The following DLGAP1 variants were observed in gnomAD, a reference collection of about 807,000 sequenced individuals.
DLGAP1 encodes disks large-associated protein 1.
A neutral mutation model predicts 90.8 loss-of-function variants in DLGAP1; 11 were observed. That is an observed-to-expected ratio of 0.12 (90% CI 0.08 to 0.20). The LOEUF is 0.20. Among genes scored for constraint, DLGAP1 ranks in the 10% least tolerant of loss-of-function variants. The probability of loss-of-function intolerance (pLI) is 1.00; values close to 1 mark genes in which losing one functional copy is unlikely to be tolerated. For synonymous variants in DLGAP1, 558 were observed against 540.7 expected (o/e 1.03, Z -0.44); for missense variants, 1,050 against 1,333.8 (o/e 0.79, Z 3.31).
chr18:3,723,566 G>C (rs12953525), intron 7 of DLGAP1, among the ~76,000 whole-genome samples: 4 of 152,098 alleles, frequency 2.6e-5, no homozygotes, highest in South Asian at 2.1e-4. Context: ...GTTTGTGTGG[G>C]GGGGGAGTGG....
Position 3,497,404 on chromosome 18 carries a change from A to G in DLGAP1, c.*1781T>C, listed in dbSNP as rs984505304. 2 of 152,152 alleles carry G rather than the reference A, an allele frequency of 1.3e-5. No individual in the cohort carries two copies. The highest frequency in any genetic ancestry group is 6.5e-5 in the Admixed American group (1 of 15,272). The allele number at this position is 152,152 out of a possible 1,614,324, so 9.4% of individuals were successfully genotyped here. A position where few individuals can be genotyped will look rare whatever the true frequency, so the allele number is the denominator to read the frequency against. ...TTTCTTGTAAACCACAGCAGTAAAC[A>G]TTTGTGCCCTGTTTATAAAGGTAGC... On this transcript the variant is annotated 3_prime_UTR_variant, in exon 13 of 13. Coordinates refer to ENST00000315677, the MANE Select transcript of DLGAP1 (RefSeq NM_004746.4).
At chr18:4,318,922 T>C (rs763330338) in intron 1 of DLGAP1, among the ~76,000 whole-genome samples, 21 of 152,228 alleles carry the variant, frequency 1.4e-4, no homozygotes, top group Non-Finnish European at 2.2e-4. Flanking sequence ...TCAAAAGATC[T>C]ATTGTACAAC....
chr18:3,829,589 T>C (rs2067921110), intron 4 of DLGAP1, among the ~76,000 whole-genome samples: 1 of 151,972 alleles, frequency 6.6e-6, no homozygotes, highest in Non-Finnish European at 1.5e-5. Flanking sequence ...CTGTGGTGAG[T>C]AGCAAGTCTG....
intron 7 of DLGAP1, among the ~76,000 whole-genome samples, chr18:3,703,373 G>A (rs557787113): frequency 6.6e-6 from 1 of 152,324 alleles, no homozygotes; most frequent in Non-Finnish European, 1.5e-5. Flanking sequence ...GGAAGGGCAA[G>A]AAAACATGAG....
At chr18:3,554,544 C>G (rs917648241) in intron 9 of DLGAP1, among the ~76,000 whole-genome samples, 14 of 152,192 alleles carry the variant, frequency 9.2e-5, no homozygotes, top group South Asian at 2.1e-4. Flanking sequence ...GTCCTCACCG[C>G]GAGGCAGCCC....
rs564354787 is a variant in DLGAP1, at chr18:3,676,114, G to A, written c.1591+53021C>T. 4.6e-5 allele frequency among the ~76,000 whole-genome samples: 7 copies of A among 152,296 alleles called. No homozygotes were observed. In the South Asian group the frequency reaches 1.0e-3, roughly 23 times the overall value. ...AGATCAAGCTGCAGACATAGATGCC[G>A]GCAGTTGTGCCAATCATGTTCAAAA... On this transcript the variant is annotated intron_variant, in intron 7 of 12. Coordinates refer to ENST00000315677, the MANE Select transcript of DLGAP1 (RefSeq NM_004746.4).
At chr18:4,294,046 C>T (rs1598834101) in intron 1 of DLGAP1, 1 of 151,906 alleles carries the variant, frequency 6.6e-6, no homozygotes, top group East Asian at 1.9e-4. Context: ...TATCTTGTAT[C>T]CCCTCCTTTT....
At chr18:3,856,884 A>G (rs1451289849) in intron 4 of DLGAP1, among the ~76,000 whole-genome samples, 1 of 152,042 alleles carries the variant, frequency 6.6e-6, no homozygotes, top group Non-Finnish European at 1.5e-5. Flanking sequence ...AAAGAAACAC[A>G]GCTGATTATT....
chr18:3,872,447 G>A (rs1292997873), intron 4 of DLGAP1, among the ~76,000 whole-genome samples: 2 of 151,692 alleles, frequency 1.3e-5, no homozygotes, highest in African/African-American at 4.8e-5. Flanking sequence ...TACCTATTGT[G>A]GTTTTAATTT....
At chr18:4,436,699 A>C (rs546682953) in intron 1 of DLGAP1, among the ~76,000 whole-genome samples, 1 of 152,298 alleles carries the variant, frequency 6.6e-6, no homozygotes, top group East Asian at 1.9e-4. Context: ...CTTCAAATTA[A>C]TTAACTTCAA....
At chr18:3,619,459 G>A (rs2058013759) in intron 7 of DLGAP1, among the ~76,000 whole-genome samples, 1 of 152,184 alleles carries the variant, frequency 6.6e-6, no homozygotes, top group African/African-American at 2.4e-5. Context: ...CAAAAGGGAA[G>A]GGACCAGGGT....
chr18:4,089,943 A>G (rs1423395522), intron 2 of DLGAP1, among the ~76,000 whole-genome samples: 14 of 152,026 alleles, frequency 9.2e-5, no homozygotes, highest in South Asian at 4.2e-4. Flanking sequence ...TACTCAGGAG[A>G]CTGAGGCAGG....
intron 6 of DLGAP1, among the ~76,000 whole-genome samples, chr18:3,736,798 C>G (rs1568039100): frequency 6.6e-6 from 1 of 151,132 alleles, no homozygotes; most frequent in Non-Finnish European, 1.5e-5. Flanking sequence ...AATAGAGACA[C>G]AAAAAACCCT....
At chr18:3,899,086 G>A (rs2071725083) in intron 3 of DLGAP1, among the ~76,000 whole-genome samples, 3 of 152,108 alleles carry the variant, frequency 2.0e-5, no homozygotes, top group African/African-American at 7.2e-5. Flanking sequence ...ATTCAGGGAG[G>A]CATCCTACAC....
chr18:3,540,149 C>G (rs1464972757), intron 9 of DLGAP1, among the ~76,000 whole-genome samples: 1 of 151,928 alleles, frequency 6.6e-6, no homozygotes, highest in East Asian at 1.9e-4. Flanking sequence ...AAATAAGGCA[C>G]GGGCGTGAGG....
chr18:4,350,159 G>A (rs1053658201), intron 1 of DLGAP1, among the ~76,000 whole-genome samples: 4 of 151,968 alleles, frequency 2.6e-5, no homozygotes, highest in Non-Finnish European at 5.9e-5. Flanking sequence ...GGTCACTTTC[G>A]ATGATGAGAA....
intron 9 of DLGAP1, among the ~76,000 whole-genome samples, chr18:3,537,387 A>G (rs964022081): frequency 3.9e-5 from 6 of 152,162 alleles, no homozygotes; most frequent in African/African-American, 1.4e-4. Context: ...TGGCTTTTTA[A>G]ATTCAACAGA....
intron 1 of DLGAP1, among the ~76,000 whole-genome samples, chr18:4,351,753 C>A (rs886462609): frequency 1.6e-4 from 25 of 152,268 alleles, no homozygotes; most frequent in African/African-American, 6.0e-4. Context: ...TGTGGTGCTG[C>A]AAATTGAATC....
chr18:3,901,278 C>T (rs1256045486), intron 3 of DLGAP1, among the ~76,000 whole-genome samples: 2 of 152,202 alleles, frequency 1.3e-5, no homozygotes, highest in Non-Finnish European at 2.9e-5. Context: ...CCCACCATCT[C>T]TCATTCACTT....
Sources: gnomAD v4.1 joint callset for allele counts (sites outside exome capture counted in the v4.1 genomes callset) on GRCh38, gnomAD v4.1.1 for gene constraint, MANE v1.5 for transcripts, NCBI Gene and HGNC (gene_info 2026-07-23, HGNC 2026-07-21) for gene names.